The following ELAVL2 variants were observed in gnomAD, a reference collection of about 807,000 sequenced individuals.
The protein encoded by ELAVL2 is ELAV like RNA binding protein 2.
In ELAVL2, 4 loss-of-function variants were observed where a neutral mutation model predicts 34.6. The observed-to-expected ratio is 0.12, with a 90% CI of 0.06 to 0.26. The LOEUF is 0.26. ELAVL2 is among the 10% of genes least tolerant of loss of function. The probability of loss-of-function intolerance (pLI) is 1.00; values close to 1 mark genes in which losing one functional copy is unlikely to be tolerated. For missense variants in ELAVL2, 432 were observed against 442.8 expected, an observed-to-expected ratio of 0.98 and a Z score of 0.22; for synonymous variants, 193 against 154.8, an observed-to-expected ratio of 1.25 and a Z score of -1.83.
At chr9:23,823,379 C>T (rs1447794828) in intron 1 of ELAVL2, among the ~76,000 whole-genome samples, 2 of 152,210 alleles carry the variant, frequency 1.3e-5, no homozygotes, top group Admixed American at 1.3e-4. Context: ...CTGACGCTGA[C>T]TAAATTATGG....
chr9:23,738,547 C>G (rs1056185062), intron 2 of ELAVL2, among the ~76,000 whole-genome samples: 1 of 152,110 alleles, frequency 6.6e-6, no homozygotes, highest in African/African-American at 2.4e-5. Context: ...GGGATTATCA[C>G]AAGGATGGAG....
intron 1 of ELAVL2, chr9:23,765,135 T>C: frequency 6.4e-7 from 1 of 1,552,802 alleles, no homozygotes. Flanking sequence ...GTATGTTAGA[T>C]GAGCAAGATA....
At chr9:23,747,369 T>C (rs978449813) in intron 2 of ELAVL2, among the ~76,000 whole-genome samples, 2 of 152,090 alleles carry the variant, frequency 1.3e-5, no homozygotes, top group Admixed American at 6.6e-5. Context: ...AACACTATGG[T>C]TGACCACCAG....
At chr9:23,751,463 G>T (rs1452054853) in intron 2 of ELAVL2, among the ~76,000 whole-genome samples, 6 of 152,048 alleles carry the variant, frequency 3.9e-5, no homozygotes, top group Admixed American at 2.0e-4. Flanking sequence ...CAATGGAAAA[G>T]AAAACAAAGG....
rs57292061 is a variant in ELAVL2 at position 23,786,781 on chromosome 9, C to CAAAAAAAAAAAAAAAAAAA, written c.-15-24551_-15-24533dup. 3.1e-4 allele frequency among the ~76,000 whole-genome samples: 33 copies of CAAAAAAAAAAAAAAAAAAA among 108,112 alleles called. 1 individual carries two copies. Among genetic ancestry groups the CAAAAAAAAAAAAAAAAAAA allele is most frequent in the East Asian group, 5.9e-4 (2 of 3,394 alleles). The allele number at this position is 108,112 out of a possible 152,430, so 70.9% of individuals were successfully genotyped here. A position where few individuals can be genotyped will look rare whatever the true frequency, so the allele number is the denominator to read the frequency against. On this transcript the variant is annotated intron_variant, in intron 1 of 6. Transcript: ENST00000397312. ...TAGTCTCAGTAACAGATTTTAGTGG[C>CAAAAAAAAAAAAAAAAAAA]AAAAAAAAAAAAAAAAAAAAAAGAG...
chr9:23,700,758 C>T lies in ELAVL2; in HGVS notation c.713+621G>A, dbSNP rs116554176. The stretch of plus-strand genomic sequence containing the variant: ...ACAATTTTGAAAAGGAAGAGAGGAA[C>T]TCATTTGTAGAAACTTCACGTAGTC... On this transcript the variant is annotated intron_variant, in intron 5 of 6. Transcript: ENST00000397312. Among the ~76,000 whole-genome samples, 1,518 of 152,142 alleles carry T rather than the reference C, an allele frequency of 1.0e-2. 28 individuals are homozygous for T. Among genetic ancestry groups the T allele is most frequent in the African/African-American group, 0.035 (1,461 of 41,494 alleles).
chr9:23,796,693 T>C (rs1009310113), intron 1 of ELAVL2, among the ~76,000 whole-genome samples: 2 of 152,098 alleles, frequency 1.3e-5, no homozygotes, highest in Non-Finnish European at 2.9e-5. Context: ...AATCTATACG[T>C]AGAGTTAGTT....
chr9:23,712,562 A>G (rs2041259943), intron 3 of ELAVL2, among the ~76,000 whole-genome samples: 1 of 152,144 alleles, frequency 6.6e-6, no homozygotes, highest in Non-Finnish European at 1.5e-5. Context: ...TGAAGAGAAA[A>G]ATCAAACTAA....
At chr9:23,708,114 G>A (rs1423108193) in intron 3 of ELAVL2, among the ~76,000 whole-genome samples, 1 of 151,944 alleles carries the variant, frequency 6.6e-6, no homozygotes, top group Non-Finnish European at 1.5e-5. Flanking sequence ...ACATTAAAAA[G>A]GCTCCAAGAC....
At chr9:23,737,358 T>C (rs905982487) in intron 2 of ELAVL2, among the ~76,000 whole-genome samples, 1 of 152,236 alleles carries the variant, frequency 6.6e-6, no homozygotes, top group Non-Finnish European at 1.5e-5. Flanking sequence ...TCAAATGTTA[T>C]AGTAATTCTG....
At chr9:23,773,878 G>T (rs543837256) in intron 1 of ELAVL2, among the ~76,000 whole-genome samples, 8 of 151,976 alleles carry the variant, frequency 5.3e-5, no homozygotes, top group Non-Finnish European at 8.8e-5. Flanking sequence ...CATTATTGCT[G>T]GACAAAACAA....
intron 2 of ELAVL2, among the ~76,000 whole-genome samples, chr9:23,745,644 T>C (rs939381054): frequency 1.3e-5 from 2 of 152,160 alleles, no homozygotes; most frequent in Admixed American, 1.3e-4. Context: ...ATATACTACT[T>C]ATCCCATAGG....
In ELAVL2 at chr9:23,821,702, T is replaced by TGGCGGC. The variant is rs879275152; in HGVS notation, c.-16+4098_-16+4103dup. 4.1e-3 allele frequency: 622 copies of TGGCGGC among 151,848 alleles called. 3 individuals are homozygous for TGGCGGC. The highest frequency in any genetic ancestry group is 5.3e-3 in the Non-Finnish European group (359 of 67,988). The allele number at this position is 151,848 out of a possible 1,614,324, so 9.4% of individuals were successfully genotyped here. ...CGGGGCGAGCTCCGCGGAGAGGCGG[T>TGGCGGC]GGCGGCGGCGGCGGCGGGAAAGGGG... On this transcript the variant is annotated intron_variant, in intron 1 of 6. Coordinates refer to ENST00000397312, the MANE Select transcript of ELAVL2 (RefSeq NM_004432.5).
chr9:23,840,675 TTAG>T, the ELAVL2 span, among the ~76,000 whole-genome samples: 1 of 152,198 alleles, frequency 6.6e-6, no homozygotes, highest in African/African-American at 2.4e-5. Flanking sequence ...CAACTTCCCG[TTAG>T]TAAAATGAAA....
the ELAVL2 span, among the ~76,000 whole-genome samples, chr9:23,837,178 C>A: frequency 1.3e-5 from 2 of 152,142 alleles, no homozygotes; most frequent in Admixed American, 1.3e-4. Context: ...CCAATGAGCC[C>A]ACGGAAGCTG....
At chr9:23,808,386 A>G (rs541717475) in intron 1 of ELAVL2, among the ~76,000 whole-genome samples, 1 of 152,292 alleles carries the variant, frequency 6.6e-6, no homozygotes, top group East Asian at 1.9e-4. Context: ...AAGGTAGTAT[A>G]TGTGGCATAT....
At chr9:23,750,824 G>A (rs2051782013) in intron 2 of ELAVL2, among the ~76,000 whole-genome samples, 1 of 152,126 alleles carries the variant, frequency 6.6e-6, no homozygotes, top group African/African-American at 2.4e-5. Context: ...AAAAGGATTC[G>A]TACGACAGTA....
chr9:23,717,044 G>A (rs1164713882), intron 3 of ELAVL2, among the ~76,000 whole-genome samples: 1 of 152,166 alleles, frequency 6.6e-6, no homozygotes, highest in Non-Finnish European at 1.5e-5. Flanking sequence ...CCATCATAAC[G>A]CAGGTGAGGA....
chr9:23,763,465 C>A (rs1291840752), intron 1 of ELAVL2, among the ~76,000 whole-genome samples: 2 of 152,012 alleles, frequency 1.3e-5, no homozygotes, highest in Non-Finnish European at 2.9e-5. Context: ...CTCTCACCTC[C>A]ACAAAGAACT....
Sources: gnomAD v4.1 joint callset for allele counts (sites outside exome capture counted in the v4.1 genomes callset) on GRCh38, gnomAD v4.1.1 for gene constraint, MANE v1.5 for transcripts, NCBI Gene and HGNC (gene_info 2026-07-23, HGNC 2026-07-21) for gene names.